The following EDARADD variants were observed in gnomAD, a reference collection of about 807,000 sequenced individuals.
The protein encoded by EDARADD is EDAR associated via death domain, also known as ectodysplasin-A receptor-associated adapter protein.
EDARADD carries 20 observed loss-of-function variants against 25.6 expected under a neutral mutation model. The ratio of observed to expected loss-of-function variants is 0.78; its 90% confidence interval spans 0.55 to 1.14. EDARADD has a LOEUF of 1.14. Ranked by LOEUF, EDARADD falls within the 50% of genes most tolerant of loss-of-function variation. EDARADD has a pLI of 0.00. For missense variants in EDARADD, 225 were observed against 270.1 expected (o/e 0.83, Z 1.17); for synonymous variants, 86 against 94.4 (o/e 0.91, Z 0.52).
At chr1:236,405,733 CTT>C (rs1667698237) in intron 1 of EDARADD, among the ~76,000 whole-genome samples, 1 of 29,142 alleles carries the variant, frequency 3.4e-5, no homozygotes, top group South Asian at 1.4e-3. Context: ...CTTTTTCTTT[CTT>C]TCTTTCTTTC....
rs1323465829 is a variant in EDARADD, at chr1:236,441,339, ATATATAAATATAAAT to A, written c.219+13890_219+13904del. On this transcript the variant is annotated intron_variant, in intron 4 of 5. Transcript: ENST00000334232. Reference sequence around the variant, plus strand: ...ATATATAAATGTATATAAATATAAAATATATAAATATAAATATATATTTATATATAATATATGTAT... The same window carrying A: ...ATATATAAATGTATATAAATATAAAAATATATTTATATATAATATATGTAT... Among the ~76,000 whole-genome samples the A allele has an allele frequency of 4.1e-5, 6 of 145,086 alleles. No individual in the cohort carries two copies. In the East Asian group the frequency reaches 1.2e-3, roughly 28 times the overall value.
intron 3 of EDARADD, among the ~76,000 whole-genome samples, chr1:236,422,754 G>A (rs558777858): frequency 6.6e-6 from 1 of 152,322 alleles, no homozygotes; most frequent in East Asian, 1.9e-4. Context: ...ATGGGCTCTG[G>A]TGAGGGATGG....
upstream of EDARADD, among the ~76,000 whole-genome samples, chr1:236,393,391 C>CTTTTTTTTTTTTTTTT (rs761525038): frequency 1.8e-3 from 158 of 87,196 alleles, 10 homozygotes; most frequent in African/African-American, 4.2e-3. Flanking sequence ...TTCTTTCTTT[C>CTTTTTTTTTTTTTTTT]TTTTTTTTTT....
upstream of EDARADD, among the ~76,000 whole-genome samples, chr1:236,392,427 G>A (rs181871002): frequency 6.6e-6 from 1 of 151,810 alleles, no homozygotes; most frequent in Non-Finnish European, 1.5e-5. Flanking sequence ...TGGCTCAAGT[G>A]ACCCTCGTGC....
intron 3 of EDARADD, among the ~76,000 whole-genome samples, chr1:236,363,000 A>ATATATATATATATATATATAT (rs1158321993): frequency 3.5e-5 from 2 of 57,288 alleles, no homozygotes; most frequent in East Asian, 1.6e-3. Flanking sequence ...AAAAAAAAAA[A>ATATATATATATATATATATAT]AAAAAAATAT....
At chr1:236,421,790 C>G (rs1657793032) in intron 3 of EDARADD, among the ~76,000 whole-genome samples, 1 of 151,996 alleles carries the variant, frequency 6.6e-6, no homozygotes, top group Non-Finnish European at 1.5e-5. Flanking sequence ...CAGGTGTGAG[C>G]CCTTCCCAGT....
chr1:236,420,026 A>C (rs1187035431), intron 3 of EDARADD, among the ~76,000 whole-genome samples: 1 of 152,144 alleles, frequency 6.6e-6, no homozygotes, highest in Non-Finnish European at 1.5e-5. Context: ...AAAAATACAA[A>C]AATAGAATTA....
upstream of EDARADD, among the ~76,000 whole-genome samples, chr1:236,390,282 G>T (rs1194068087): frequency 6.6e-6 from 1 of 152,150 alleles, no homozygotes; most frequent in African/African-American, 2.4e-5. Flanking sequence ...ATGGCCGGGC[G>T]TGGTGGCTCA....
At chr1:236,359,945 A>G (rs1307166813) in intron 3 of EDARADD, among the ~76,000 whole-genome samples, 1 of 152,182 alleles carries the variant, frequency 6.6e-6, no homozygotes, top group Admixed American at 6.5e-5. Context: ...ATAGCAACAC[A>G]AGTGGGCTAA....
At chr1:236,445,704 A>T (rs764928951) in intron 4 of EDARADD, among the ~76,000 whole-genome samples, 6 of 152,214 alleles carry the variant, frequency 3.9e-5, no homozygotes, top group Non-Finnish European at 8.8e-5. Context: ...AAGTCACATG[A>T]CAGTCTTCAT....
intron 3 of EDARADD, among the ~76,000 whole-genome samples, chr1:236,367,386 C>T (rs1050919754): frequency 5.3e-5 from 8 of 152,000 alleles, no homozygotes; most frequent in Non-Finnish European, 8.8e-5. Flanking sequence ...CCTGCCACCA[C>T]GCCCAGCTAT....
intron 4 of EDARADD, among the ~76,000 whole-genome samples, chr1:236,462,410 T>C (rs915522994): frequency 3.9e-5 from 6 of 152,116 alleles, no homozygotes; most frequent in East Asian, 1.9e-4. Context: ...GGTTGGTCTA[T>C]TGGGGTCTCG....
chr1:236,401,028 T>A (rs1451693319), intron 1 of EDARADD, among the ~76,000 whole-genome samples: 1 of 151,986 alleles, frequency 6.6e-6, no homozygotes, highest in Non-Finnish European at 1.5e-5. Flanking sequence ...CGAAACCCCA[T>A]GTCTAATAAA....
chr1:236,469,102 A>G (rs149875854), intron 5 of EDARADD, among the ~76,000 whole-genome samples: 17 of 152,244 alleles, frequency 1.1e-4, no homozygotes, highest in African/African-American at 4.1e-4. Flanking sequence ...TTTTTTAATC[A>G]TAAGACAGAC....
At chr1:236,370,598 C>G (rs930339429) in intron 3 of EDARADD, among the ~76,000 whole-genome samples, 5 of 152,094 alleles carry the variant, frequency 3.3e-5, no homozygotes, top group African/African-American at 9.7e-5. Context: ...GCTGATCAGT[C>G]GGAGATGAAA....
intron 3 of EDARADD, among the ~76,000 whole-genome samples, chr1:236,363,006 A>AAAAAAATATATATAT (rs1377112051): frequency 2.3e-5 from 1 of 42,950 alleles, no homozygotes; most frequent in Non-Finnish European, 3.8e-5. Context: ...AAAAAAAAAA[A>AAAAAAATATATATAT]ATATATATAT....
At position 236,420,959 on chromosome 1, in the gene EDARADD, C is replaced by A. The variant is rs990101630; in HGVS notation, c.161-6433C>A. Among the ~76,000 whole-genome samples the A allele has an allele frequency of 5.4e-5, 8 of 147,258 alleles. 1 individual carries two copies. Among genetic ancestry groups the A allele is most frequent in the African/African-American group, 2.0e-4 (8 of 40,270 alleles). ...ATGTTGGCCAGGCTGGTCTCGAAGT[C>A]CTGACCTCAGGTGATCCACCTGTCT... On this transcript the variant is annotated intron_variant, in intron 3 of 5. Transcript: ENST00000334232.
chr1:236,429,441 G>A (rs555331045), intron 4 of EDARADD, among the ~76,000 whole-genome samples: 1 of 151,590 alleles, frequency 6.6e-6, no homozygotes, highest in African/African-American at 2.4e-5. Context: ...GCAGTGGTGC[G>A]ATCTCGGCTC....
chr1:236,419,720 A>G (rs182394131), intron 3 of EDARADD, among the ~76,000 whole-genome samples: 131 of 152,326 alleles, frequency 8.6e-4, no homozygotes, highest in Admixed American at 1.4e-3. Context: ...CTGTAAAAAG[A>G]TAACATACAC....
Sources: gnomAD v4.1 joint callset for allele counts (sites outside exome capture counted in the v4.1 genomes callset) on GRCh38, gnomAD v4.1.1 for gene constraint, MANE v1.5 for transcripts, NCBI Gene and HGNC (gene_info 2026-07-23, HGNC 2026-07-21) for gene names.